The following COMMD10 variants were observed in gnomAD, a reference collection of about 807,000 sequenced individuals.
COMMD10 encodes COMM domain containing 10.
Under a neutral mutation model 28.9 loss-of-function variants are expected in COMMD10, and 33 were observed. The observed-to-expected ratio is 1.14, with a 90% confidence interval of 0.87 to 1.53. The LOEUF is 1.53. COMMD10 is among the 40% of genes most tolerant of loss of function. COMMD10 has a pLI of 0.00. For synonymous variants in COMMD10, 110 were observed against 81.7 expected (o/e 1.35, Z -1.87); for missense variants, 310 against 233.4 (o/e 1.33, Z -2.14).
At chr5:116,265,950 A>G (rs781518802) in intron 5 of COMMD10, among the ~76,000 whole-genome samples, 33 of 151,800 alleles carry the variant, frequency 2.2e-4, no homozygotes, top group Non-Finnish European at 3.7e-4. Context: ...GAAAAAAACA[A>G]AAAGAAAACA....
intron 5 of COMMD10, among the ~76,000 whole-genome samples, chr5:116,258,808 T>G (rs4566828): frequency 1 from 151,466 of 151,512 alleles, 75,710 homozygotes; most frequent in Non-Finnish European, 1. Context: ...CTTTGCCTCA[T>G]CTGCCTCTCC....
At chr5:116,215,488 A>C (rs923433672) in intron 5 of COMMD10, among the ~76,000 whole-genome samples, 1 of 151,542 alleles carries the variant, frequency 6.6e-6, no homozygotes, top group African/African-American at 2.4e-5. Context: ...GGAGATCAAG[A>C]CCATCCTCGC....
At position 116,194,506 on chromosome 5, in the gene COMMD10, A is replaced by C. The variant is rs181160659; in HGVS notation, c.510+60328A>C. On this transcript the variant is annotated intron_variant, in intron 5 of 6. Coordinates refer to ENST00000274458, the MANE Select transcript of COMMD10 (RefSeq NM_016144.4). ...GAGATATTACAACTGACACTCCTGA[A>C]CTACAAAAGATCATTCAAGGCTACT... is the stretch of plus-strand genomic sequence containing the variant. Among the ~76,000 whole-genome samples the C allele has an allele frequency of 7.2e-5, 11 of 152,320 alleles. No individual in the cohort carries two copies. The East Asian group carries it at 2.1e-3, about 29-fold the overall frequency.
intron 5 of COMMD10, among the ~76,000 whole-genome samples, chr5:116,241,681 C>T (rs1749817335): frequency 6.6e-6 from 1 of 151,838 alleles, no homozygotes; most frequent in Admixed American, 6.6e-5. Flanking sequence ...GGCGCAATCT[C>T]AGCTCACTGA....
intron 5 of COMMD10, among the ~76,000 whole-genome samples, chr5:116,196,818 A>G (rs547134978): frequency 5.9e-5 from 9 of 152,186 alleles, no homozygotes; most frequent in Middle Eastern, 3.4e-3. Context: ...TTATCTTCCT[A>G]TATAAAGGAC....
intron 5 of COMMD10, among the ~76,000 whole-genome samples, chr5:116,258,779 G>C (rs904106594): frequency 2.5e-4 from 38 of 151,524 alleles, no homozygotes; most frequent in Non-Finnish European, 5.9e-5. Context: ...TACTACGCTA[G>C]GATGCCATAT....
At chr5:116,237,926 G>A (rs929180777) in intron 5 of COMMD10, among the ~76,000 whole-genome samples, 2 of 151,654 alleles carry the variant, frequency 1.3e-5, no homozygotes, top group African/African-American at 2.4e-5. Flanking sequence ...TCAGAATGTC[G>A]TCGTTTCAAA....
chr5:116,245,120 AT>A (rs758420073), intron 5 of COMMD10, among the ~76,000 whole-genome samples: 174 of 152,098 alleles, frequency 1.1e-3, no homozygotes, highest in Non-Finnish European at 2.2e-3. Context: ...GAATATTCAT[AT>A]AAACACAAAA....
intron 5 of COMMD10, among the ~76,000 whole-genome samples, chr5:116,249,003 T>C (rs1750037688): frequency 6.6e-6 from 1 of 152,000 alleles, no homozygotes; most frequent in Non-Finnish European, 1.5e-5. Context: ...TATTATACTT[T>C]TAAGCTGTGT....
intron 4 of COMMD10, among the ~76,000 whole-genome samples, chr5:116,124,968 G>T (rs150358001): frequency 6.6e-6 from 1 of 152,166 alleles, no homozygotes; most frequent in African/African-American, 2.4e-5. Context: ...GTCTCTGCAC[G>T]TGAAGTGGTT....
At chr5:116,223,116 G>A (rs186698813) in intron 5 of COMMD10, among the ~76,000 whole-genome samples, 1 of 151,894 alleles carries the variant, frequency 6.6e-6, no homozygotes, top group African/African-American at 2.4e-5. Flanking sequence ...CTTTGAAGTT[G>A]CTATTTTTCA....
intron 5 of COMMD10, among the ~76,000 whole-genome samples, chr5:116,266,726 C>T (rs1750595440): frequency 6.6e-6 from 1 of 151,676 alleles, no homozygotes; most frequent in Admixed American, 6.6e-5. Context: ...AATCCAGCAG[C>T]ACATCAAAAA....
intron 4 of COMMD10, among the ~76,000 whole-genome samples, chr5:116,107,728 G>A (rs1411014050): frequency 2.0e-5 from 3 of 151,084 alleles, no homozygotes; most frequent in African/African-American, 2.5e-5. Flanking sequence ...CCTTGCTGGC[G>A]AGGAGTTGTG....
chr5:116,108,010 A>T (rs1179727203), intron 4 of COMMD10, among the ~76,000 whole-genome samples: 1 of 152,216 alleles, frequency 6.6e-6, no homozygotes, highest in Admixed American at 6.5e-5. Flanking sequence ...AGGCTGCAGA[A>T]CAGCAAAGAT....
intron 5 of COMMD10, among the ~76,000 whole-genome samples, chr5:116,258,411 A>G (rs1400453016): frequency 1.3e-5 from 2 of 151,456 alleles, no homozygotes; most frequent in Non-Finnish European, 2.9e-5. Flanking sequence ...TTTGGACACT[A>G]CTATTGGACA....
rs150305261 is a variant in COMMD10 at position 116,175,189 on chromosome 5, G to GAT, written c.510+41020_510+41021dup. On this transcript the variant is annotated intron_variant, in intron 5 of 6. Coordinates refer to ENST00000274458, the MANE Select transcript of COMMD10 (RefSeq NM_016144.4). ...TTTGTCTCAGTTGTATTTAATATATGATATATATATTTGTTTTTTATTTTT... is the reference window on the plus strand; with the variant it reads ...TTTGTCTCAGTTGTATTTAATATATGATATATATATATTTGTTTTTTATTTTT... 5.7e-3 allele frequency among the ~76,000 whole-genome samples: 866 copies of GAT among 151,738 alleles called. 8 individuals are homozygous for GAT. Among genetic ancestry groups the GAT allele is most frequent in the African/African-American group, 0.019 (800 of 41,374 alleles).
At position 116,292,869 on chromosome 5, in the gene COMMD10, G is replaced by C; in HGVS notation, c.*380G>C. 1 of 394,290 alleles carries C rather than the reference G, an allele frequency of 2.5e-6. No individual in the cohort carries two copies. Among genetic ancestry groups the C allele is most frequent in the Non-Finnish European group, 4.5e-6 (1 of 223,700 alleles). 24.4% of individuals were successfully genotyped at this position (394,290 alleles called of 1,614,324 possible). A position where few individuals can be genotyped will look rare whatever the true frequency, so the allele number is the denominator to read the frequency against. On this transcript the variant is annotated 3_prime_UTR_variant, in exon 7 of 7. Coordinates refer to ENST00000274458, the MANE Select transcript of COMMD10 (RefSeq NM_016144.4). ...GATACAAGATAAGATGTGTACCTTA[G>C]TAGAATACAGAGCTTTGGTAATTAC...
intron 4 of COMMD10, among the ~76,000 whole-genome samples, chr5:116,100,115 G>A (rs900394791): frequency 2.0e-5 from 3 of 152,084 alleles, no homozygotes; most frequent in Non-Finnish European, 4.4e-5. Flanking sequence ...TGTCATATGA[G>A]ATCAGGTGGG....
At chr5:116,223,216 A>T (rs1749309441) in intron 5 of COMMD10, among the ~76,000 whole-genome samples, 1 of 151,992 alleles carries the variant, frequency 6.6e-6, no homozygotes, top group South Asian at 2.1e-4. Flanking sequence ...GAAAAAAAGG[A>T]GATAGGATAA....
Sources: gnomAD v4.1 joint callset for allele counts (sites outside exome capture counted in the v4.1 genomes callset) on GRCh38, gnomAD v4.1.1 for gene constraint, MANE v1.5 for transcripts, NCBI Gene and HGNC (gene_info 2026-07-23, HGNC 2026-07-21) for gene names.